Variants in MCPH1 observed in about 807,000 individuals in gnomAD.
The protein encoded by MCPH1 is microcephalin 1.
In MCPH1, 104 loss-of-function variants were observed where a neutral mutation model predicts 84.5. That is an observed-to-expected ratio of 1.23 (90% CI 1.05 to 1.45). MCPH1 has a LOEUF of 1.45. Among genes scored for constraint, MCPH1 ranks in the 40% most tolerant of loss-of-function variants. MCPH1 has a pLI of 0.00. For missense variants in MCPH1, 1,498 were observed against 1,005.7 expected (o/e 1.49, Z -6.62); for synonymous variants, 514 against 366.8 (o/e 1.40, Z -4.58).
intron 12 of MCPH1, among the ~76,000 whole-genome samples, chr8:6,610,155 A>ATGTTAAT (rs1830140309): frequency 1.3e-5 from 2 of 152,134 alleles, no homozygotes; most frequent in South Asian, 4.1e-4. Flanking sequence ...CTCCATTGTC[A>ATGTTAAT]GACTGTTAAA....
chr8:6,430,296 T>C lies in MCPH1; in HGVS notation c.234-1203T>C, dbSNP rs182773638. Among the ~76,000 whole-genome samples the C allele has an allele frequency of 3.0e-4, 45 of 152,382 alleles. No individual in the cohort carries two copies. The East Asian group carries it at 8.7e-3, about 29-fold the overall frequency. ...TTAATAGAAGACAGTTGCCTTCTCA[T>C]ATCTGCCTCTGCATTCAGTGTATTG... On this transcript the variant is annotated intron_variant, in intron 3 of 13. Transcript: ENST00000344683.
chr8:6,633,884 C>G (rs756347995), intron 13 of MCPH1, among the ~76,000 whole-genome samples: 35 of 152,038 alleles, frequency 2.3e-4, no homozygotes, highest in Non-Finnish European at 4.6e-4. Context: ...TAACAGTGAT[C>G]AGAAAAAGAG....
intron 11 of MCPH1, among the ~76,000 whole-genome samples, chr8:6,497,566 C>G (rs540821436): frequency 1.6e-3 from 239 of 152,230 alleles, no homozygotes; most frequent in African/African-American, 5.4e-3. Flanking sequence ...AGCACCAGTA[C>G]TCCATCATAA....
At chr8:6,506,849 A>C (rs1813826060) in intron 12 of MCPH1, among the ~76,000 whole-genome samples, 2 of 151,656 alleles carry the variant, frequency 1.3e-5, no homozygotes, top group Non-Finnish European at 2.9e-5. Flanking sequence ...CATGAAAATT[A>C]CTGAATTTCA....
chr8:6,449,431 C>T (rs973701171), intron 8 of MCPH1, among the ~76,000 whole-genome samples: 3 of 152,048 alleles, frequency 2.0e-5, no homozygotes, highest in African/African-American at 7.2e-5. Flanking sequence ...GTCAGGAGTT[C>T]AAGACCAACC....
intron 3 of MCPH1, among the ~76,000 whole-genome samples, chr8:6,423,363 C>T (rs1242248284): frequency 2.0e-5 from 3 of 151,186 alleles, no homozygotes; most frequent in Admixed American, 1.3e-4. Flanking sequence ...GACGGGGTTT[C>T]ACCGTGTTAG....
intron 12 of MCPH1, among the ~76,000 whole-genome samples, chr8:6,594,471 C>T (rs1017563151): frequency 1.3e-5 from 2 of 152,176 alleles, no homozygotes; most frequent in African/African-American, 4.8e-5. Context: ...ATAGAAGCTC[C>T]TAGGGCATTA....
chr8:6,505,321 TTATATACATATAGAAAGAA>T (rs1480023194), intron 12 of MCPH1, among the ~76,000 whole-genome samples: 3,665 of 67,334 alleles, frequency 0.054, 580 homozygotes, highest in African/African-American at 0.15. Flanking sequence ...CATATATATG[TTATATACATATAGAAAGAA>T]TATATATATT....
chr8:6,430,304 T>G (rs1487155838), intron 3 of MCPH1, among the ~76,000 whole-genome samples: 2 of 152,264 alleles, frequency 1.3e-5, no homozygotes, highest in African/African-American at 4.8e-5. Context: ...CATATCTGCC[T>G]CTGCATTCAG....
intron 11 of MCPH1, among the ~76,000 whole-genome samples, chr8:6,482,236 T>G (rs528410852): frequency 6.6e-6 from 1 of 152,332 alleles, no homozygotes; most frequent in East Asian, 1.9e-4. Context: ...AAGGTGAACG[T>G]TGTCCACTTA....
At chr8:6,569,077 T>G (rs915749717) in intron 12 of MCPH1, among the ~76,000 whole-genome samples, 1 of 152,220 alleles carries the variant, frequency 6.6e-6, no homozygotes, top group African/African-American at 2.4e-5. Context: ...CATGTTTATA[T>G]ATACAATTTA....
intron 8 of MCPH1, chr8:6,447,283 T>G: frequency 1.0e-6 from 1 of 985,366 alleles, no homozygotes; most frequent in African/African-American, 1.7e-5. Context: ...CCATAAAGCC[T>G]TCAGTTTCAA....
At chr8:6,626,462 T>C in intron 13 of MCPH1, 1 of 974,582 alleles carries the variant, frequency 1.0e-6, no homozygotes. Context: ...TGTTGTTTGG[T>C]TTTTTTGTTT....
At chr8:6,532,809 TG>T (rs1327392090) in intron 12 of MCPH1, among the ~76,000 whole-genome samples, 1 of 152,230 alleles carries the variant, frequency 6.6e-6, no homozygotes, top group African/African-American at 2.4e-5. Context: ...CAGGGACTGC[TG>T]GGTGCGGCCA....
In MCPH1 at chr8:6,644,504, T is replaced by C. The variant is rs1481752858; in HGVS notation, c.*1455T>C. 2.0e-5 allele frequency: 3 copies of C among 152,182 alleles called. No homozygotes were observed. Among genetic ancestry groups the C allele is most frequent in the Non-Finnish European group, 4.4e-5 (3 of 68,040 alleles). 9.4% of individuals were successfully genotyped at this position (152,182 alleles called of 1,614,324 possible). ...AAATGACTTAAGTAAAGTTTCAGGA[T>C]AGTAAATCCATGTACAAAAATCAGC... On this transcript the variant is annotated 3_prime_UTR_variant, in exon 14 of 14. Coordinates refer to ENST00000344683, the MANE Select transcript of MCPH1 (RefSeq NM_024596.5).
intron 12 of MCPH1, among the ~76,000 whole-genome samples, chr8:6,545,079 AC>A (rs931139978): frequency 4.6e-5 from 7 of 152,156 alleles, no homozygotes; most frequent in Admixed American, 3.9e-4. Flanking sequence ...CAGAAGCCAC[AC>A]CCTAGGAGTG....
intron 13 of MCPH1, among the ~76,000 whole-genome samples, chr8:6,640,698 C>A (rs1207198103): frequency 6.6e-6 from 1 of 152,140 alleles, no homozygotes; most frequent in African/African-American, 2.4e-5. Context: ...CAAAATTAAA[C>A]ACCTCTTTTC....
chr8:6,434,507 G>C (rs1802355524), intron 4 of MCPH1, among the ~76,000 whole-genome samples: 1 of 152,184 alleles, frequency 6.6e-6, no homozygotes, highest in Admixed American at 6.5e-5. Flanking sequence ...CTGTTGAAAT[G>C]AACCTCCCAA....
At chr8:6,406,925 G>A (rs1451276637) in intron 1 of MCPH1, among the ~76,000 whole-genome samples, 1 of 104,926 alleles carries the variant, frequency 9.5e-6, no homozygotes, top group Admixed American at 1.1e-4. Context: ...TGCCTGCTTC[G>A]TCTCCCGTGC....
Sources: gnomAD v4.1 joint callset for allele counts (sites outside exome capture counted in the v4.1 genomes callset) on GRCh38, gnomAD v4.1.1 for gene constraint, MANE v1.5 for transcripts, NCBI Gene and HGNC (gene_info 2026-07-23, HGNC 2026-07-21) for gene names.